Variants in INPP5D observed in about 807,000 individuals in gnomAD.
INPP5D encodes phosphatidylinositol 3,4,5-trisphosphate 5-phosphatase 1.
In INPP5D, 33 loss-of-function variants were observed where a neutral mutation model predicts 122.9. The ratio of observed to expected loss-of-function variants is 0.27; its 90% CI spans 0.20 to 0.36. The LOEUF (loss-of-function observed/expected upper bound fraction) is 0.36. Ranked by LOEUF, INPP5D falls within the 10% of genes least tolerant of loss-of-function variation. The pLI is 1.00. For synonymous variants in INPP5D, 584 were observed against 576.2 expected (o/e 1.01, Z -0.19); for missense variants, 1,053 against 1,412.7 (o/e 0.75, Z 4.08).
At chr2:233,173,208 C>CAAA (rs199492575) in intron 17 of INPP5D, among the ~76,000 whole-genome samples, 2 of 100,054 alleles carry the variant, frequency 2.0e-5, no homozygotes, top group Non-Finnish European at 2.0e-5. Context: ...GACTGTGTCT[C>CAAA]AAAAAAAAAA....
chr2:233,199,872 G>A (rs758214253), intron 25 of INPP5D, among the ~76,000 whole-genome samples: 13 of 152,122 alleles, frequency 8.5e-5, no homozygotes, highest in Non-Finnish European at 1.8e-4. Flanking sequence ...TTAACCTTTG[G>A]GCATCTCCCG....
Position 233,072,920 on chromosome 2 carries a change from C to T in INPP5D, c.135-6415C>T, listed in dbSNP as rs567542346. 4.6e-5 allele frequency among the ~76,000 whole-genome samples: 7 copies of T among 152,344 alleles called. No individual in the cohort carries two copies. The South Asian group carries it at 1.4e-3, about 32-fold the overall frequency. ...CAAGGCAGCCAGTGGCTGGCACCCTCAGGATCCATTCCCACCCCTGAACTG... is the reference window on the plus strand; with the variant it reads ...CAAGGCAGCCAGTGGCTGGCACCCTTAGGATCCATTCCCACCCCTGAACTG... On this transcript the variant is annotated intron_variant, in intron 1 of 26. Transcript: ENST00000445964.
chr2:233,163,726 G>A lies in INPP5D; in HGVS notation c.1260G>A (p.Lys420=). 1 of 1,613,828 alleles carries A rather than the reference G, an allele frequency of 6.2e-7. No individual in the cohort carries two copies. The highest frequency in any genetic ancestry group is 8.5e-7 in the Non-Finnish European group (1 of 1,179,856). ...TTGAAGGTAACGCCCCCCCTCCCAA[G>A]AAGATCACGTCCTGGTTTCTCTCCA... ...TWNMGNAPPP[K]KITSWFLSKG... The change falls in exon 12 of 27, where the codon AAG becomes AAA. Residue 420 remains lysine, a synonymous_variant. Transcript: ENST00000445964.
chr2:233,198,063 C>G (rs767555445), intron 24 of INPP5D, 32 bp from the exon 25 acceptor site: 1 of 1,529,784 alleles, frequency 6.5e-7, no homozygotes, highest in Non-Finnish European at 8.8e-7. Context: ...GGGAAGGGAC[C>G]CCTGAGATGT....
chr2:233,065,663 T>TG (rs1691202314), intron 1 of INPP5D, among the ~76,000 whole-genome samples: 1 of 93,158 alleles, frequency 1.1e-5, no homozygotes, highest in Non-Finnish European at 2.2e-5. Context: ...TTTTTTTTTT[T>TG]TGAGACAGAG....
intron 14 of INPP5D, chr2:233,169,783 A>C (rs1389335719): frequency 1.6e-6 from 1 of 641,568 alleles, no homozygotes; most frequent in Non-Finnish European, 2.6e-6. Flanking sequence ...TGCTGAGCAG[A>C]TGCTGCTGCT....
At chr2:233,154,009 C>T (rs966864306) in intron 9 of INPP5D, among the ~76,000 whole-genome samples, 2 of 152,246 alleles carry the variant, frequency 1.3e-5, no homozygotes, top group African/African-American at 2.4e-5. Context: ...TTCAGCCCAT[C>T]AGACCACCCT....
At chr2:233,117,073 G>T (rs1239408839) in intron 2 of INPP5D, among the ~76,000 whole-genome samples, 1 of 152,222 alleles carries the variant, frequency 6.6e-6, no homozygotes, top group Non-Finnish European at 1.5e-5. Context: ...GCATCACTTG[G>T]GGGCCGCCGG....
intron 6 of INPP5D, among the ~76,000 whole-genome samples, chr2:233,144,350 G>A (rs917791889): frequency 6.6e-6 from 1 of 151,338 alleles, no homozygotes. Context: ...GGTGGAGATG[G>A]TGGTGGTGAT....
chr2:233,141,267 T>C (rs1046401402), intron 6 of INPP5D: 2 of 152,056 alleles, frequency 1.3e-5, no homozygotes, highest in African/African-American at 4.8e-5. Context: ...GAAAAAAACA[T>C]TGAAAATCAC....
intron 9 of INPP5D, among the ~76,000 whole-genome samples, chr2:233,149,696 G>T (rs1237992647): frequency 6.6e-6 from 1 of 152,106 alleles, no homozygotes; most frequent in East Asian, 1.9e-4. Flanking sequence ...TAGCACAGTG[G>T]GGTGCAAGTA....
At chr2:233,202,525 G>T (rs563410238) in intron 25 of INPP5D, among the ~76,000 whole-genome samples, 2 of 152,138 alleles carry the variant, frequency 1.3e-5, no homozygotes, top group Non-Finnish European at 2.9e-5. Context: ...ACGACATCCC[G>T]CCTTTGTCCC....
At chr2:233,067,381 C>A (rs943027351) in intron 1 of INPP5D, among the ~76,000 whole-genome samples, 1 of 152,216 alleles carries the variant, frequency 6.6e-6, no homozygotes, top group Non-Finnish European at 1.5e-5. Context: ...AATCACTCCT[C>A]TCCAGGGCTG....
rs150813540 is a variant in INPP5D at position 233,200,961 on chromosome 2, A to AAAATAAATAAAT, written c.2975+2623_2975+2634dup. ...GGGTGACAGAGCAAGACTCCATCTC[A>AAAATAAATAAAT]AAATAAATAAATAAATAAATAAATA... On this transcript the variant is annotated intron_variant, in intron 25 of 26. Coordinates refer to ENST00000445964, the MANE Select transcript of INPP5D (RefSeq NM_001017915.3). Among the ~76,000 whole-genome samples, 1,142 of 141,890 alleles carry AAAATAAATAAAT rather than the reference A, an allele frequency of 8.0e-3. 16 individuals are homozygous for AAAATAAATAAAT. Among genetic ancestry groups the AAAATAAATAAAT allele is most frequent in the Admixed American group, 9.2e-3 (130 of 14,100 alleles). The allele number at this position is 141,890 out of a possible 152,430, so 93.1% of individuals were successfully genotyped here.
chr2:233,190,438 C>A (rs978571521), intron 22 of INPP5D, among the ~76,000 whole-genome samples: 1 of 152,202 alleles, frequency 6.6e-6, no homozygotes, highest in Admixed American at 6.5e-5. Flanking sequence ...TGCTCAGGCA[C>A]AAAGGGGCTG....
At chr2:233,114,089 T>C (rs1433153145) in intron 2 of INPP5D, among the ~76,000 whole-genome samples, 1 of 152,102 alleles carries the variant, frequency 6.6e-6, no homozygotes, top group Non-Finnish European at 1.5e-5. Context: ...TTTGTATTTT[T>C]AGTAGAGATG....
At chr2:233,067,304 G>A (rs1159106096) in intron 1 of INPP5D, among the ~76,000 whole-genome samples, 1 of 152,206 alleles carries the variant, frequency 6.6e-6, no homozygotes, top group Non-Finnish European at 1.5e-5. Flanking sequence ...CATACAACAT[G>A]TGGACTTTGG....
intron 2 of INPP5D, among the ~76,000 whole-genome samples, chr2:233,093,730 G>C (rs1692050446): frequency 6.6e-6 from 1 of 151,516 alleles, no homozygotes; most frequent in South Asian, 2.1e-4. Flanking sequence ...AGTGTTCAAT[G>C]AGGCATTTGT....
chr2:233,153,981 C>T (rs2106286169), intron 9 of INPP5D, among the ~76,000 whole-genome samples: 1 of 152,306 alleles, frequency 6.6e-6, no homozygotes. Flanking sequence ...GTGTTGCCAT[C>T]ACGCAGTTTC....
Sources: allele counts gnomAD v4.1 joint callset (sites outside exome capture counted in the v4.1 genomes callset), GRCh38; gene constraint gnomAD v4.1.1; transcripts MANE v1.5; gene names NCBI Gene and HGNC (gene_info 2026-07-23, HGNC 2026-07-21).